The following BTBD7 variants were observed in gnomAD, a reference collection of about 807,000 sequenced individuals.
BTBD7 encodes the protein BTB/POZ domain-containing protein 7.
A neutral mutation model predicts 99.9 loss-of-function variants in BTBD7; 38 were observed. The observed-to-expected ratio is 0.38, with a 90% CI of 0.29 to 0.50. BTBD7 has a LOEUF of 0.50. Among genes scored for constraint, BTBD7 ranks in the 20% least tolerant of loss-of-function variants. BTBD7 has a pLI of 0.93. For missense variants in BTBD7, 1,170 were observed against 1,394.6 expected (o/e 0.84, Z 2.57); for synonymous variants, 520 against 511.4 (o/e 1.02, Z -0.23).
At chr14:93,243,415 G>A (rs943199732) in intron 10 of BTBD7, among the ~76,000 whole-genome samples, 7 of 152,026 alleles carry the variant, frequency 4.6e-5, no homozygotes, top group African/African-American at 1.2e-4. Context: ...GGATGGTCTC[G>A]ATCTCCTGAC....
At chr14:93,300,257 C>CTTTTTTTTTTT (rs35598735) in intron 1 of BTBD7, among the ~76,000 whole-genome samples, 2 of 119,650 alleles carry the variant, frequency 1.7e-5, no homozygotes, top group African/African-American at 3.6e-5. Context: ...TTTCTTTGTT[C>CTTTTTTTTTTT]TTTTTTTTTT....
intron 1 of BTBD7, among the ~76,000 whole-genome samples, chr14:93,327,192 C>G (rs975913470): frequency 4.6e-5 from 7 of 152,144 alleles, no homozygotes; most frequent in Non-Finnish European, 1.0e-4. Context: ...TAAAAATAAA[C>G]ATTATTTCCA....
At chr14:93,320,163 G>A (rs185180898) in intron 1 of BTBD7, among the ~76,000 whole-genome samples, 5 of 152,306 alleles carry the variant, frequency 3.3e-5, no homozygotes, top group Admixed American at 2.6e-4. Flanking sequence ...GTCTGAAAAG[G>A]TAAGTGTGAG....
chr14:93,306,679 G>A (rs1341140337), intron 1 of BTBD7, among the ~76,000 whole-genome samples: 1 of 152,052 alleles, frequency 6.6e-6, no homozygotes, highest in East Asian at 1.9e-4. Flanking sequence ...AGAAGTAATG[G>A]TGCTTATTTC....
At chr14:93,282,420 C>T (rs1358332251) in intron 3 of BTBD7, among the ~76,000 whole-genome samples, 3 of 151,206 alleles carry the variant, frequency 2.0e-5, no homozygotes, top group Non-Finnish European at 4.4e-5. Flanking sequence ...ACAACTTCTG[C>T]CTCCTGGGTT....
intron 9 of BTBD7, among the ~76,000 whole-genome samples, chr14:93,247,332 G>C (rs1026911863): frequency 7.7e-6 from 1 of 129,554 alleles, no homozygotes; most frequent in Non-Finnish European, 1.6e-5. Flanking sequence ...ATTCTTTTTT[G>C]TTTGTTTGTT....
chr14:93,295,827 C>G (rs111942502), intron 2 of BTBD7, 143 bp downstream of exon 2: 2 of 713,154 alleles, frequency 2.8e-6, no homozygotes, highest in Non-Finnish European at 4.5e-6. Flanking sequence ...TTAAGATTTA[C>G]GTTTGTTGGG....
At chr14:93,259,302 C>G (rs1490265281) in intron 5 of BTBD7, among the ~76,000 whole-genome samples, 2 of 152,186 alleles carry the variant, frequency 1.3e-5, no homozygotes, top group Non-Finnish European at 2.9e-5. Flanking sequence ...CATGTATTAT[C>G]TCTGTATGGC....
At chr14:93,305,704 C>T (rs1487524674) in intron 1 of BTBD7, among the ~76,000 whole-genome samples, 4 of 152,204 alleles carry the variant, frequency 2.6e-5, no homozygotes, top group African/African-American at 4.8e-5. Flanking sequence ...CTCTATTTTC[C>T]ATTTGTTTAG....
At chr14:93,275,050 C>T (rs866111360) in intron 3 of BTBD7, among the ~76,000 whole-genome samples, 17 of 152,270 alleles carry the variant, frequency 1.1e-4, no homozygotes, top group African/African-American at 4.1e-4. Context: ...GTAGTAAGTA[C>T]TACCAAAGGG....
chr14:93,283,706 C>G (rs749334689), intron 3 of BTBD7, among the ~76,000 whole-genome samples: 2 of 152,144 alleles, frequency 1.3e-5, no homozygotes, highest in Admixed American at 6.6e-5. Flanking sequence ...TGTGCGCCAC[C>G]ATGCCCGGCT....
chr14:93,241,770 A>T lies in BTBD7; in HGVS notation c.*503T>A, dbSNP rs201163056. The T allele has an allele frequency of 2.6e-5, 4 of 155,070 alleles. No individual in the cohort carries two copies. In the South Asian group the frequency reaches 8.0e-4, roughly 31 times the overall value. The allele number at this position is 155,070 out of a possible 1,614,324, so 9.6% of individuals were successfully genotyped here. ...TTACTGAAAAGAGAGGAGCATTCTGATGTGCTGTTCTTTGGAATTTCTATA... is the reference window on the plus strand; with the variant it reads ...TTACTGAAAAGAGAGGAGCATTCTGTTGTGCTGTTCTTTGGAATTTCTATA... On this transcript the variant is annotated 3_prime_UTR_variant, in exon 11 of 11. Coordinates refer to ENST00000334746, the MANE Select transcript of BTBD7 (RefSeq NM_001002860.4).
chr14:93,323,743 A>G (rs1488245625), intron 1 of BTBD7, among the ~76,000 whole-genome samples: 1 of 152,232 alleles, frequency 6.6e-6, no homozygotes, highest in Non-Finnish European at 1.5e-5. Flanking sequence ...GCAAAAAACA[A>G]TGTCTGATCT....
chr14:93,273,324 C>T (rs113674558), intron 3 of BTBD7, among the ~76,000 whole-genome samples: 14 of 152,316 alleles, frequency 9.2e-5, no homozygotes, highest in Admixed American at 7.8e-4. Context: ...AGGCCATGAA[C>T]AAACAGAATG....
chr14:93,249,122 T>G (rs532370046), intron 8 of BTBD7, among the ~76,000 whole-genome samples: 1 of 152,026 alleles, frequency 6.6e-6, no homozygotes, highest in East Asian at 1.9e-4. Context: ...AAATACAATA[T>G]AGGGTCATAA....
intron 1 of BTBD7, among the ~76,000 whole-genome samples, chr14:93,317,491 C>A (rs1268615124): frequency 6.6e-6 from 1 of 151,924 alleles, no homozygotes; most frequent in East Asian, 1.9e-4. Flanking sequence ...TACAGAGGCA[C>A]ACACTACCAC....
intron 3 of BTBD7, chr14:93,288,185 G>T (rs2052803520): frequency 3.7e-6 from 1 of 268,166 alleles, no homozygotes. Context: ...TTTTTATATA[G>T]AAATTCCTTT....
At chr14:93,290,511 CTTTTTTTTTTTTT>C (rs10548430) in intron 3 of BTBD7, among the ~76,000 whole-genome samples, 5 of 76,538 alleles carry the variant, frequency 6.5e-5, no homozygotes, top group Admixed American at 6.5e-4. Context: ...TGCACTTGGC[CTTTTTTTTTTTTT>C]TTTTTTTTTT....
In BTBD7 at chr14:93,242,568, T is replaced by C. The variant is rs1165636191; in HGVS notation, c.3104A>G (p.Gln1035Arg). The C allele has an allele frequency of 1.9e-6, 3 of 1,614,100 alleles. No homozygotes were observed. Among genetic ancestry groups the C allele is most frequent in the Non-Finnish European group, 8.5e-7 (1 of 1,180,052 alleles). ...GGCTGCCAAAGGAAAGTCTGACCGC[T>C]GGGGAGGTTGCTCAACGACATCCAG... Reference protein sequence around the residue: ...IHLDVVEQPPQRSDFPLAAPE... With the variant: ...IHLDVVEQPPRRSDFPLAAPE... The change falls in exon 11 of 11, where the codon CAG (glutamine) becomes CGG (arginine). Residue 1035 changes from glutamine (Q) to arginine (R), a missense_variant. Physicochemically the swap from Gln to Arg is conservative, Grantham distance 43 (BLOSUM62 1). Transcript: ENST00000334746.
Sources: gnomAD v4.1 joint callset for allele counts (sites outside exome capture counted in the v4.1 genomes callset) on GRCh38, gnomAD v4.1.1 for gene constraint, MANE v1.5 for transcripts, NCBI Gene and HGNC (gene_info 2026-07-23, HGNC 2026-07-21) for gene names.